The following TEX14 variants were observed in gnomAD, a reference collection of about 807,000 sequenced individuals.
TEX14 encodes the protein inactive serine/threonine-protein kinase TEX14.
In TEX14, 168 loss-of-function variants were observed where a neutral mutation model predicts 178.6. The observed-to-expected ratio is 0.94, with a 90% confidence interval of 0.83 to 1.07. TEX14 has a LOEUF of 1.07. Among genes scored for constraint, TEX14 ranks in the 50% least tolerant of loss-of-function variants. The pLI is 0.00. For missense variants in TEX14, 1,730 were observed against 1,753.6 expected (o/e 0.99, Z 0.24); for synonymous variants, 626 against 634.1 (o/e 0.99, Z 0.19).
At chr17:58,671,641 T>C (rs1289375736) in intron 1 of TEX14, among the ~76,000 whole-genome samples, 2 of 152,280 alleles carry the variant, frequency 1.3e-5, no homozygotes, top group Admixed American at 6.5e-5. Flanking sequence ...CCTTAGGAAA[T>C]AGACAGGGTC....
intron 2 of TEX14, chr17:58,631,238 G>A: frequency 5.2e-6 from 3 of 581,654 alleles, no homozygotes; most frequent in Non-Finnish European, 4.3e-6. Context: ...GAGGCGGGTA[G>A]ATCACTTGAG....
At chr17:58,627,030 A>G (rs1351846050) in intron 3 of TEX14, among the ~76,000 whole-genome samples, 1 of 152,182 alleles carries the variant, frequency 6.6e-6, no homozygotes, top group African/African-American at 2.4e-5. Flanking sequence ...ACAAAGCCAT[A>G]GGGGTTTGCC....
chr17:58,621,861 A>C, intron 4 of TEX14, 75 bp from the exon 5 acceptor site: 2 of 1,504,368 alleles, frequency 1.3e-6, no homozygotes, highest in Non-Finnish European at 1.8e-6. Flanking sequence ...TATGAAGATA[A>C]GTGGTCCGAG....
chr17:58,648,024 A>G (rs1008340667), intron 2 of TEX14: 3 of 152,238 alleles, frequency 2.0e-5, no homozygotes, highest in Admixed American at 6.6e-5. Context: ...CCTCCTCCGC[A>G]CTGCAGGATG....
At chr17:58,680,128 G>C (rs577550987) in intron 1 of TEX14, among the ~76,000 whole-genome samples, 2 of 152,114 alleles carry the variant, frequency 1.3e-5, no homozygotes, top group Admixed American at 6.5e-5. Context: ...TGCCCAGGCT[G>C]GGGTACAGTA....
At chr17:58,621,571 A>G in intron 5 of TEX14, 79 bp downstream of exon 5, 1 of 1,443,420 alleles carries the variant, frequency 6.9e-7, no homozygotes, top group Non-Finnish European at 9.4e-7. Flanking sequence ...GGAGGAGCTG[A>G]GGCAACCCAT....
chr17:58,634,384 A>G (rs1598405483), intron 2 of TEX14, among the ~76,000 whole-genome samples: 1 of 152,138 alleles, frequency 6.6e-6, no homozygotes, highest in Admixed American at 6.6e-5. Flanking sequence ...CTGCACTCCA[A>G]CTTGGGCAAC....
At chr17:58,583,997 G>A (rs1598357590) in intron 19 of TEX14, among the ~76,000 whole-genome samples, 2 of 152,178 alleles carry the variant, frequency 1.3e-5, no homozygotes, top group Non-Finnish European at 2.9e-5. Context: ...GTGTGTTAAA[G>A]CCCTGAAGCA....
At chr17:58,676,923 T>A (rs1357224344) in intron 1 of TEX14, among the ~76,000 whole-genome samples, 1 of 151,850 alleles carries the variant, frequency 6.6e-6, no homozygotes, top group African/African-American at 2.4e-5. Context: ...CTGAGGCCAG[T>A]CTGGCCAGCA....
intron 28 of TEX14, 136 bp from the exon 29 acceptor site, chr17:58,561,748 A>G: frequency 1.6e-6 from 1 of 621,246 alleles, no homozygotes; most frequent in Non-Finnish European, 2.9e-6. Flanking sequence ...ACAAGAGCTC[A>G]GTGAGATTGT....
intron 5 of TEX14, among the ~76,000 whole-genome samples, chr17:58,618,294 C>A (rs1434780882): frequency 6.6e-6 from 1 of 152,182 alleles, no homozygotes; most frequent in Non-Finnish European, 1.5e-5. Context: ...ACCATAAGCA[C>A]ATCTTGTCCA....
chr17:58,611,677 C>T (rs943285445), intron 9 of TEX14, among the ~76,000 whole-genome samples: 4 of 152,178 alleles, frequency 2.6e-5, no homozygotes, highest in African/African-American at 9.7e-5. Context: ...GTAAACCTGC[C>T]CTGTCGCCTC....
At position 58,575,717 on chromosome 17, in the gene TEX14, G is replaced by A. The variant is rs369227336; in HGVS notation, c.3321-1468C>T. Among the ~76,000 whole-genome samples the A allele has an allele frequency of 9.9e-5, 15 of 152,200 alleles. No individual in the cohort carries two copies. The East Asian group carries it at 2.9e-3, about 29-fold the overall frequency. ...TAGCAATCAAGGAAGCACAAAAATG[G>A]GGCCTCCCTCAGCCTAAGTCTGATA... is the stretch of plus-strand genomic sequence containing the variant. On this transcript the variant is annotated intron_variant, in intron 21 of 31. Transcript: ENST00000349033.
rs556523832 is a variant in TEX14, at chr17:58,557,155, A to C, written c.4320-108T>G. 256 of 965,540 alleles carry C rather than the reference A, an allele frequency of 2.7e-4. 1 individual carries two copies. The highest frequency in any genetic ancestry group is 1.4e-3 in the Middle Eastern group (7 of 4,834). The allele number at this position is 965,540 out of a possible 1,614,324, so 59.8% of individuals were successfully genotyped here. ...TTCTATTCAATTAAATTCAAGGGAA[A>C]GGAATTTTGGTCTTTATAATCAAGG... On this transcript the variant is annotated intron_variant, in intron 31 of 31. Coordinates refer to ENST00000349033, the MANE Select transcript of TEX14 (RefSeq NM_031272.5).
intron 19 of TEX14, 83 bp from the exon 20 acceptor site, chr17:58,579,814 T>C: frequency 8.8e-7 from 1 of 1,132,136 alleles, no homozygotes; most frequent in Admixed American, 2.1e-5. Context: ...CTTGATGTTC[T>C]TAAATCTTGA....
intron 1 of TEX14, chr17:58,661,360 G>A: frequency 1.1e-6 from 1 of 912,016 alleles, no homozygotes; most frequent in East Asian, 2.4e-5. Context: ...GCACCATCAG[G>A]TACTTCAGGT....
chr17:58,598,420 A>G (rs1273289347), intron 14 of TEX14, among the ~76,000 whole-genome samples: 2 of 152,174 alleles, frequency 1.3e-5, no homozygotes, highest in Non-Finnish European at 2.9e-5. Flanking sequence ...ATGGAGATTA[A>G]TACCTATCCA....
At chr17:58,666,458 C>CAAA (rs141683264) in intron 1 of TEX14, 21 of 36,830 alleles carry the variant, frequency 5.7e-4, no homozygotes, top group Admixed American at 1.6e-3. Flanking sequence ...CCTTCCACGG[C>CAAA]AAAAAAAAAA....
At chr17:58,663,650 T>C (rs1479303696) in intron 1 of TEX14, among the ~76,000 whole-genome samples, 3 of 151,922 alleles carry the variant, frequency 2.0e-5, no homozygotes, top group Non-Finnish European at 2.9e-5. Context: ...GTGTTTTTGG[T>C]AGAGATGGGG....
Sources: allele counts gnomAD v4.1 joint callset (sites outside exome capture counted in the v4.1 genomes callset), GRCh38; gene constraint gnomAD v4.1.1; transcripts MANE v1.5; gene names NCBI Gene and HGNC (gene_info 2026-07-23, HGNC 2026-07-21).